SRGAP3: variants seen among roughly 807,000 people sequenced by gnomAD.
SRGAP3 encodes the protein SLIT-ROBO Rho GTPase-activating protein 3.
A neutral mutation model predicts 121.1 loss-of-function variants in SRGAP3; 39 were observed. The observed-to-expected ratio is 0.32, with a 90% CI of 0.25 to 0.42. The LOEUF (loss-of-function observed/expected upper bound fraction) is 0.42, where lower values mean the gene tolerates loss of function less well. Among genes scored for constraint, SRGAP3 ranks in the 10% least tolerant of loss-of-function variants. SRGAP3 has a pLI of 1.00. For synonymous variants in SRGAP3, 601 were observed against 570.0 expected (o/e 1.05, Z -0.77); for missense variants, 1,213 against 1,470.6 (o/e 0.82, Z 2.86).
At chr3:9,283,065 C>T (rs148896231) in intron 3 of SRGAP3, among the ~76,000 whole-genome samples, 99 of 152,022 alleles carry the variant, frequency 6.5e-4, no homozygotes, top group African/African-American at 2.3e-3. Flanking sequence ...CTCAGCCTCC[C>T]AAGTAGCTGG....
intron 3 of SRGAP3, among the ~76,000 whole-genome samples, chr3:9,091,849 C>T (rs1947771048): frequency 6.6e-6 from 1 of 152,078 alleles, no homozygotes; most frequent in Admixed American, 6.6e-5. Context: ...TTTCCCTGCT[C>T]CTGAACTCAT....
intron 1 of SRGAP3, among the ~76,000 whole-genome samples, chr3:9,168,749 G>C (rs1347135385): frequency 1.3e-5 from 2 of 152,240 alleles, no homozygotes; most frequent in South Asian, 2.1e-4. Flanking sequence ...AGGAAAGAGA[G>C]AAGGGAGAAA....
At chr3:9,273,015 T>C (rs1213786801) in intron 3 of SRGAP3, among the ~76,000 whole-genome samples, 1 of 152,210 alleles carries the variant, frequency 6.6e-6, no homozygotes, top group East Asian at 1.9e-4. Context: ...CCAACCTTTT[T>C]GGCACCAGGG....
At chr3:9,348,731 C>T in intron 1 of SRGAP3, 3 of 1,289,860 alleles carry the variant, frequency 2.3e-6, no homozygotes, top group Non-Finnish European at 3.4e-6. Context: ...TCTGATCGGT[C>T]TCAATAAAGC....
chr3:9,275,626 A>G (rs1954558340), intron 3 of SRGAP3, among the ~76,000 whole-genome samples: 3 of 152,144 alleles, frequency 2.0e-5, no homozygotes, highest in Admixed American at 2.0e-4. Context: ...GGCTCACGAC[A>G]TGTGATGGTT....
At chr3:9,201,179 G>A (rs998230927) in intron 1 of SRGAP3, among the ~76,000 whole-genome samples, 1 of 152,106 alleles carries the variant, frequency 6.6e-6, no homozygotes, top group African/African-American at 2.4e-5. Context: ...CATGAAGGAC[G>A]GTGACGGAAG....
intron 3 of SRGAP3, among the ~76,000 whole-genome samples, chr3:9,300,148 C>T (rs1373475342): frequency 8.5e-4 from 1 of 1,170 alleles, no homozygotes; most frequent in Non-Finnish European, 2.3e-3. Flanking sequence ...TAGCCACCAT[C>T]GTCACCACCA....
chr3:9,302,853 G>A (rs987443384), intron 3 of SRGAP3, among the ~76,000 whole-genome samples: 1 of 152,116 alleles, frequency 6.6e-6, no homozygotes, highest in Non-Finnish European at 1.5e-5. Flanking sequence ...CGAGCAAGGG[G>A]CTTCAGTTCT....
chr3:9,335,522 T>A (rs550862763), intron 1 of SRGAP3, among the ~76,000 whole-genome samples: 1 of 152,280 alleles, frequency 6.6e-6, no homozygotes, highest in African/African-American at 2.4e-5. Flanking sequence ...TTTTCCTCAA[T>A]CACAGGGAGC....
chr3:9,100,163 C>T (rs1948161177), intron 3 of SRGAP3, among the ~76,000 whole-genome samples: 1 of 152,190 alleles, frequency 6.6e-6, no homozygotes, highest in Non-Finnish European at 1.5e-5. Context: ...ACGTCAGAGC[C>T]AAACTCAGTT....
intron 2 of SRGAP3, among the ~76,000 whole-genome samples, chr3:9,329,989 T>C (rs1389228886): frequency 6.6e-6 from 1 of 152,252 alleles, no homozygotes; most frequent in Non-Finnish European, 1.5e-5. Context: ...TCATTTGGAA[T>C]GTTCCACTGC....
intron 1 of SRGAP3, among the ~76,000 whole-genome samples, chr3:9,176,201 T>C (rs1951174798): frequency 6.6e-6 from 1 of 152,194 alleles, no homozygotes; most frequent in Non-Finnish European, 1.5e-5. Flanking sequence ...ATTACAGGCG[T>C]GAGCAACCAC....
chr3:9,216,739 A>T (rs1254251008), intron 1 of SRGAP3: 1 of 152,664 alleles, frequency 6.6e-6, no homozygotes, highest in Non-Finnish European at 1.5e-5. Context: ...GCAGCACATG[A>T]GCCACACCAC....
chr3:9,194,356 A>T (rs536513548), intron 1 of SRGAP3: 2 of 152,344 alleles, frequency 1.3e-5, no homozygotes, highest in South Asian at 4.1e-4. Flanking sequence ...AATAGAAAAA[A>T]AAAAACCTAT....
At chr3:9,027,235 A>C (rs765747885) in intron 12 of SRGAP3, among the ~76,000 whole-genome samples, 2 of 152,164 alleles carry the variant, frequency 1.3e-5, no homozygotes, top group Non-Finnish European at 2.9e-5. Flanking sequence ...TTCTTACCCA[A>C]CTGGAAAGGA....
chr3:9,110,528 G>A (rs1948585128), intron 2 of SRGAP3, among the ~76,000 whole-genome samples: 1 of 152,262 alleles, frequency 6.6e-6, no homozygotes, highest in Non-Finnish European at 1.5e-5. Context: ...GAGGGCTGGG[G>A]CAGGGCCAAG....
rs539808172 is a variant in SRGAP3, at chr3:9,346,819, G to A, written n.214+16021C>T. Reference sequence around the variant, plus strand: ...CCCTGAGGCTGAAGTGCAATGGCGCGATCCTGGCTCACTGCAACCTCTGCC... The same window carrying A: ...CCCTGAGGCTGAAGTGCAATGGCGCAATCCTGGCTCACTGCAACCTCTGCC... On this transcript the variant is annotated intron_variant and non_coding_transcript_variant, in intron 1 of 3. Transcript: ENST00000490889. 1.5e-4 allele frequency among the ~76,000 whole-genome samples: 23 copies of A among 148,882 alleles called. 1 individual carries two copies. The highest frequency in any genetic ancestry group is 4.7e-4 in the African/African-American group (19 of 40,272).
intron 1 of SRGAP3, among the ~76,000 whole-genome samples, chr3:9,233,287 A>G (rs1953286688): frequency 6.6e-6 from 1 of 151,880 alleles, no homozygotes; most frequent in Non-Finnish European, 1.5e-5. Flanking sequence ...CCGTGATTGA[A>G]CCCCGGTCTG....
At chr3:9,272,629 CA>C (rs531938048) in intron 3 of SRGAP3, among the ~76,000 whole-genome samples, 1 of 152,108 alleles carries the variant, frequency 6.6e-6, no homozygotes, top group Non-Finnish European at 1.5e-5. Flanking sequence ...ATATATGTAT[CA>C]AGTTTTAAAA....
Sources: gnomAD v4.1 joint callset for allele counts (sites outside exome capture counted in the v4.1 genomes callset) on GRCh38, gnomAD v4.1.1 for gene constraint, MANE v1.5 for transcripts, NCBI Gene and HGNC (gene_info 2026-07-23, HGNC 2026-07-21) for gene names.